MSI2: variants seen among roughly 807,000 people sequenced by gnomAD.
MSI2 encodes musashi RNA binding protein 2, also known as RNA-binding protein Musashi homolog 2.
A neutral mutation model predicts 45.6 loss-of-function variants in MSI2; 17 were observed. The ratio of observed to expected loss-of-function variants is 0.37; its 90% confidence interval spans 0.26 to 0.56. MSI2 has a LOEUF of 0.56. Ranked by LOEUF, MSI2 falls within the 20% of genes least tolerant of loss-of-function variation. The probability of loss-of-function intolerance (pLI) is 0.77; values close to 1 mark genes in which losing one functional copy is unlikely to be tolerated. For synonymous variants in MSI2, 156 were observed against 158.2 expected (o/e 0.99, Z 0.11); for missense variants, 293 against 444.2 (o/e 0.66, Z 3.06).
intron 12 of MSI2, among the ~76,000 whole-genome samples, chr17:57,675,509 G>A (rs1005402309): frequency 1.3e-5 from 2 of 152,224 alleles, no homozygotes; most frequent in South Asian, 4.1e-4. Context: ...ACGCTGGCAC[G>A]TAATAGGGCC....
chr17:57,369,346 G>A (rs1459637616), intron 5 of MSI2, among the ~76,000 whole-genome samples: 1 of 152,178 alleles, frequency 6.6e-6, no homozygotes, highest in Admixed American at 6.5e-5. Flanking sequence ...AATGAGAGGG[G>A]CAGCCAGTTG....
chr17:57,634,335 G>A (rs866503926), intron 10 of MSI2, among the ~76,000 whole-genome samples: 29 of 151,920 alleles, frequency 1.9e-4, no homozygotes, highest in Middle Eastern at 3.4e-3. Flanking sequence ...GAGTGGTGGC[G>A]GGTGCCTGTA....
chr17:57,693,277 G>A, the MSI2 span, among the ~76,000 whole-genome samples: 1 of 152,030 alleles, frequency 6.6e-6, no homozygotes, highest in Non-Finnish European at 1.5e-5. Flanking sequence ...TCACCTCCTG[G>A]GTTCAAGCAA....
intron 6 of MSI2, among the ~76,000 whole-genome samples, chr17:57,459,363 T>C (rs541843228): frequency 6.6e-6 from 1 of 152,310 alleles, no homozygotes; most frequent in East Asian, 1.9e-4. Flanking sequence ...TCAGTCGGAC[T>C]TTCTAGAAAA....
chr17:57,402,359 C>T (rs533888216), intron 6 of MSI2, among the ~76,000 whole-genome samples: 104 of 152,288 alleles, frequency 6.8e-4, no homozygotes, highest in Non-Finnish European at 1.2e-3. Flanking sequence ...GTGGACATCG[C>T]GTGGGAGCCC....
intron 5 of MSI2, among the ~76,000 whole-genome samples, chr17:57,321,584 C>T (rs1041064753): frequency 1.3e-5 from 2 of 152,142 alleles, no homozygotes; most frequent in Non-Finnish European, 2.9e-5. Flanking sequence ...GAGCTCCCTG[C>T]AGCCGATTTG....
At chr17:57,284,245 C>A (rs1490473526) in intron 5 of MSI2, among the ~76,000 whole-genome samples, 1 of 152,104 alleles carries the variant, frequency 6.6e-6, no homozygotes, top group Non-Finnish European at 1.5e-5. Context: ...CCTGGTGACG[C>A]CTGGCTGCAG....
At chr17:57,446,781 GAGA>G (rs1055907230) in intron 6 of MSI2, among the ~76,000 whole-genome samples, 1 of 152,214 alleles carries the variant, frequency 6.6e-6, no homozygotes, top group Non-Finnish European at 1.5e-5. Context: ...GGATGAAAAT[GAGA>G]AGAACTTTGC....
At chr17:57,330,289 CTT>C (rs1023452042) in intron 5 of MSI2, among the ~76,000 whole-genome samples, 11 of 142,650 alleles carry the variant, frequency 7.7e-5, no homozygotes, top group Admixed American at 1.4e-4. Context: ...TCTTTTTTTT[CTT>C]TTTTTTTTTT....
At chr17:57,654,620 T>C (rs377653743) in intron 11 of MSI2, among the ~76,000 whole-genome samples, 9 of 152,188 alleles carry the variant, frequency 5.9e-5, no homozygotes, top group African/African-American at 2.2e-4. Context: ...CCCCAGCTCC[T>C]GAAGCCCTTA....
chr17:57,615,422 C>T (rs1277590989), intron 8 of MSI2, among the ~76,000 whole-genome samples: 2 of 152,152 alleles, frequency 1.3e-5, no homozygotes, highest in South Asian at 2.1e-4. Context: ...TGATCCCCCA[C>T]GCCCAGCCAA....
chr17:57,493,277 G>T (rs1422503261), intron 6 of MSI2, among the ~76,000 whole-genome samples: 4 of 152,152 alleles, frequency 2.6e-5, no homozygotes, highest in African/African-American at 7.2e-5. Flanking sequence ...ATTGTCCGAA[G>T]AAAGGTAAAA....
chr17:57,677,468 G>C (rs1461327663), intron 13 of MSI2, among the ~76,000 whole-genome samples: 1 of 152,236 alleles, frequency 6.6e-6, no homozygotes, highest in Non-Finnish European at 1.5e-5. Context: ...GCAGGGATGG[G>C]GGCCAGGGCC....
chr17:57,419,529 AT>A (rs36114353), intron 6 of MSI2, among the ~76,000 whole-genome samples: 120 of 145,644 alleles, frequency 8.2e-4, no homozygotes, highest in African/African-American at 1.7e-3. Flanking sequence ...TGCCTGGCTA[AT>A]TTTTTTTTTT....
At chr17:57,462,686 C>T (rs536152552) in intron 6 of MSI2, among the ~76,000 whole-genome samples, 295 of 152,302 alleles carry the variant, frequency 1.9e-3, no homozygotes, top group Non-Finnish European at 3.7e-3. Flanking sequence ...GCATTTCCTC[C>T]TCAAAGGCAA....
In MSI2 at chr17:57,632,042, C is replaced by T. The variant is rs150886194; in HGVS notation, c.727+4739C>T. On this transcript the variant is annotated intron_variant, in intron 10 of 13. Coordinates refer to ENST00000284073, the MANE Select transcript of MSI2 (RefSeq NM_138962.4). ...TTAAAAAAAAATTATTCTCCAGTCC[C>T]CTCCCACTTTGCTTCTTGTATGCAT... The T allele has an allele frequency of 1.2e-4, 156 of 1,341,722 alleles. No individual in the cohort carries two copies. In the African/African-American group the frequency reaches 2.0e-3, roughly 17 times the overall value. 83.1% of individuals were successfully genotyped at this position (1,341,722 alleles called of 1,614,324 possible).
chr17:57,519,093 C>T (rs762412177), intron 6 of MSI2, among the ~76,000 whole-genome samples: 9 of 152,156 alleles, frequency 5.9e-5, no homozygotes, highest in Admixed American at 4.6e-4. Context: ...TACCTCTCAC[C>T]GGGAGACTCT....
intron 6 of MSI2, among the ~76,000 whole-genome samples, chr17:57,507,078 A>G (rs2086245316): frequency 6.6e-6 from 1 of 152,028 alleles, no homozygotes; most frequent in African/African-American, 2.4e-5. Context: ...TGAAGCTATA[A>G]AAAACCCTTT....
chr17:57,464,316 T>G (rs528591483), intron 6 of MSI2, among the ~76,000 whole-genome samples: 12 of 151,922 alleles, frequency 7.9e-5, no homozygotes, highest in Non-Finnish European at 1.6e-4. Flanking sequence ...TGGTGGCACG[T>G]GCCTATAGTC....
Sources: allele counts gnomAD v4.1 joint callset (sites outside exome capture counted in the v4.1 genomes callset), GRCh38; gene constraint gnomAD v4.1.1; transcripts MANE v1.5; gene names NCBI Gene and HGNC (gene_info 2026-07-23, HGNC 2026-07-21).